NLGN1: variants seen among roughly 807,000 people sequenced by gnomAD.
NLGN1 encodes neuroligin-1.
In NLGN1, 12 loss-of-function variants were observed where a neutral mutation model predicts 65.5. The ratio of observed to expected loss-of-function variants is 0.18; its 90% CI spans 0.12 to 0.30. The LOEUF is 0.30. NLGN1 is among the 10% of genes least tolerant of loss of function. The pLI, the probability that NLGN1 is intolerant of heterozygous loss-of-function variation, is 1.00. For synonymous variants in NLGN1, 350 were observed against 359.5 expected (o/e 0.97, Z 0.30); for missense variants, 750 against 1,007.1 (o/e 0.74, Z 3.46).
chr3:174,095,481 G>C (rs1745325666), intron 4 of NLGN1, among the ~76,000 whole-genome samples: 1 of 144,808 alleles, frequency 6.9e-6, no homozygotes, highest in Non-Finnish European at 1.6e-5. Flanking sequence ...GTGTATGCTT[G>C]TGTGTGTGTG....
At chr3:174,265,328 T>C (rs4352385) in intron 4 of NLGN1, among the ~76,000 whole-genome samples, 51,527 of 150,280 alleles carry the variant, frequency 0.34, 9,527 homozygotes, top group East Asian at 0.56. Context: ...TAGCAATCAG[T>C]GAGACTCCGT....
At chr3:173,732,421 T>C (rs1578171782) in intron 3 of NLGN1, among the ~76,000 whole-genome samples, 1 of 152,118 alleles carries the variant, frequency 6.6e-6, no homozygotes, top group East Asian at 1.9e-4. Flanking sequence ...AGCCCTAAGA[T>C]GCTGCTACTA....
chr3:174,024,613 A>G (rs1395807275), intron 4 of NLGN1, among the ~76,000 whole-genome samples: 1 of 152,302 alleles, frequency 6.6e-6, no homozygotes, highest in African/African-American at 2.4e-5. Flanking sequence ...GAAAAGAATA[A>G]CATAAAATAA....
intron 4 of NLGN1, among the ~76,000 whole-genome samples, chr3:173,933,842 C>A (rs1024650647): frequency 6.6e-6 from 1 of 152,056 alleles, no homozygotes; most frequent in Non-Finnish European, 1.5e-5. Flanking sequence ...TCACATGTAT[C>A]TCTCAACCTC....
intron 2 of NLGN1, among the ~76,000 whole-genome samples, chr3:173,478,575 T>TACAATGA (rs1055509589): frequency 3.3e-5 from 5 of 152,170 alleles, no homozygotes; most frequent in African/African-American, 1.2e-4. Context: ...AAAAATTTTT[T>TACAATGA]ACAATGAACA....
At chr3:174,016,239 C>T (rs560953098) in intron 4 of NLGN1, among the ~76,000 whole-genome samples, 13 of 152,194 alleles carry the variant, frequency 8.5e-5, no homozygotes, top group Admixed American at 3.9e-4. Context: ...TGCTGAAGAC[C>T]GTTAGAGTGA....
chr3:173,601,080 T>C (rs1466109117), intron 2 of NLGN1, among the ~76,000 whole-genome samples: 1 of 152,014 alleles, frequency 6.6e-6, no homozygotes, highest in Non-Finnish European at 1.5e-5. Context: ...AAAAGAGGAA[T>C]AATGGGGAAA....
At chr3:173,938,617 A>G (rs1745451217) in intron 4 of NLGN1, among the ~76,000 whole-genome samples, 1 of 152,196 alleles carries the variant, frequency 6.6e-6, no homozygotes, top group African/African-American at 2.4e-5. Flanking sequence ...TTCTAAGCAT[A>G]CTGCTCAAGC....
intron 4 of NLGN1, among the ~76,000 whole-genome samples, chr3:174,137,246 T>G (rs1721385988): frequency 6.6e-6 from 1 of 152,180 alleles, no homozygotes; most frequent in South Asian, 2.1e-4. Context: ...TATGTTTCTA[T>G]GTGTTTCCAT....
chr3:173,608,115 G>T (rs889658501), intron 3 of NLGN1, among the ~76,000 whole-genome samples: 6 of 151,738 alleles, frequency 4.0e-5, no homozygotes, highest in African/African-American at 1.2e-4. Context: ...TAAAAGAAAA[G>T]AAATCTTATC....
chr3:173,735,224 G>A (rs1227247043), intron 3 of NLGN1, among the ~76,000 whole-genome samples: 1 of 152,022 alleles, frequency 6.6e-6, no homozygotes, highest in East Asian at 1.9e-4. Flanking sequence ...GTTTTAAAAA[G>A]TAACAACCAA....
chr3:173,462,832 GA>G (rs1243211417), intron 2 of NLGN1, among the ~76,000 whole-genome samples: 28 of 152,270 alleles, frequency 1.8e-4, no homozygotes, highest in African/African-American at 6.7e-4. Flanking sequence ...TTGAGAACTT[GA>G]CAGTACCAAA....
chr3:174,155,012 A>G (rs9830911), intron 4 of NLGN1, among the ~76,000 whole-genome samples: 1 of 81,140 alleles, frequency 1.2e-5, no homozygotes, highest in Non-Finnish European at 2.2e-5. Context: ...TTATATATTG[A>G]TATAAATATA....
intron 4 of NLGN1, among the ~76,000 whole-genome samples, chr3:173,949,713 G>A (rs1037377731): frequency 7.9e-5 from 12 of 152,178 alleles, no homozygotes; most frequent in Admixed American, 3.9e-4. Context: ...TGACACTGTC[G>A]TAATTCTAAA....
chr3:173,820,718 T>C (rs1169440389), intron 4 of NLGN1, among the ~76,000 whole-genome samples: 1 of 152,216 alleles, frequency 6.6e-6, no homozygotes, highest in African/African-American at 2.4e-5. Flanking sequence ...TACTGTAAGA[T>C]ATTTACCTAT....
intron 4 of NLGN1, among the ~76,000 whole-genome samples, chr3:174,179,658 G>A (rs1403345545): frequency 6.6e-6 from 1 of 152,084 alleles, no homozygotes; most frequent in East Asian, 1.9e-4. Flanking sequence ...TATGTAGTCT[G>A]TTGCAAAACC....
intron 3 of NLGN1, among the ~76,000 whole-genome samples, chr3:173,762,193 A>C (rs1450867458): frequency 1.3e-5 from 2 of 152,084 alleles, no homozygotes; most frequent in African/African-American, 4.8e-5. Context: ...AAAGGAAACA[A>C]ATAACAGAAG....
chr3:174,224,374 C>G (rs1166978424), intron 4 of NLGN1, among the ~76,000 whole-genome samples: 1 of 152,102 alleles, frequency 6.6e-6, no homozygotes, highest in Non-Finnish European at 1.5e-5. Context: ...CAAAAAGAAC[C>G]ACCTAACATG....
chr3:173,897,435 C>T (rs953751143), intron 4 of NLGN1, among the ~76,000 whole-genome samples: 4 of 152,156 alleles, frequency 2.6e-5, no homozygotes, highest in Non-Finnish European at 4.4e-5. Flanking sequence ...CAACAAACAG[C>T]CTGCACTGAT....
Sources: allele counts gnomAD v4.1 joint callset (sites outside exome capture counted in the v4.1 genomes callset), GRCh38; gene constraint gnomAD v4.1.1; transcripts MANE v1.5; gene names NCBI Gene and HGNC (gene_info 2026-07-23, HGNC 2026-07-21).